The following SYNPO variants were observed in gnomAD, a reference collection of about 807,000 sequenced individuals.
SYNPO encodes the protein synaptopodin.
Under a neutral mutation model 49.5 loss-of-function variants are expected in SYNPO, and 19 were observed. That is an observed-to-expected ratio of 0.38 (90% CI 0.27 to 0.56). The LOEUF is 0.56. Among genes scored for constraint, SYNPO ranks in the 20% least tolerant of loss-of-function variants. The pLI is 0.68. For synonymous variants in SYNPO, 536 were observed against 548.0 expected, an observed-to-expected ratio of 0.98 and a Z score of 0.31; for missense variants, 1,131 against 1,248.3, an observed-to-expected ratio of 0.91 and a Z score of 1.42.
intron 1 of SYNPO, among the ~76,000 whole-genome samples, chr5:150,614,025 C>T (rs1022655940): frequency 1.3e-5 from 2 of 152,104 alleles, no homozygotes; most frequent in African/African-American, 4.8e-5. Context: ...CTTGGGGCCC[C>T]GAATGCCAGG....
At chr5:150,636,806 T>G (rs1365165627), upstream of SYNPO, among the ~76,000 whole-genome samples, 88 of 90,674 alleles carry the variant, frequency 9.7e-4, no homozygotes, top group Admixed American at 1.6e-3. Context: ...GGGTGGGGGG[T>G]GTTGGGAAGG....
rs745821356 is a variant in SYNPO at position 150,648,391 on chromosome 5, C to A, written c.116C>A (p.Ala39Asp). The change falls in exon 2 of 3, where the codon GCC becomes GAC. Residue 39 changes from alanine to aspartate, a missense_variant. Transcript: ENST00000307662. This position sits in a 1 kb window ranked among gnomAD's most constrained non-coding sequence, Gnocchi z 5.0. Reference protein sequence around the residue: ...YLKENAALLTANGLHLSQNRE... With the variant: ...YLKENAALLTDNGLHLSQNRE... ...AAGGAGAATGCAGCACTGCTGACAG[C>A]CAATGGGCTGCACCTGTCCCAAAAC... 1.2e-6 allele frequency: 2 copies of A among 1,614,186 alleles called. No homozygotes were observed. Among genetic ancestry groups the A allele is most frequent in the South Asian group, 2.2e-5 (2 of 91,086 alleles).
chr5:150,588,895 C>T, the SYNPO span, among the ~76,000 whole-genome samples: 4 of 152,202 alleles, frequency 2.6e-5, no homozygotes, highest in South Asian at 6.2e-4. Flanking sequence ...AATAAATTTT[C>T]CTTCCCCTCT....
the SYNPO span, among the ~76,000 whole-genome samples, chr5:150,593,131 G>T: frequency 1.3e-5 from 2 of 152,234 alleles, no homozygotes; most frequent in Non-Finnish European, 2.9e-5. Context: ...TACCTGTTAT[G>T]GCCTGGTCTC....
chr5:150,614,543 C>T (rs1336532746), intron 1 of SYNPO: 1 of 152,212 alleles, frequency 6.6e-6, no homozygotes, highest in Non-Finnish European at 1.5e-5. Flanking sequence ...ACCTGCGTTC[C>T]AGTGCAGCGC....
At position 150,650,706 on chromosome 5, in the gene SYNPO, G is replaced by A. The variant is rs2151426788; in HGVS notation, c.2028+403G>A. ...GTGGCCTAGAAGGGGATCCTAACAGGGACTTCTGGAGCAGACAGAGCCTGC... is the reference window on the plus strand; with the variant it reads ...GTGGCCTAGAAGGGGATCCTAACAGAGACTTCTGGAGCAGACAGAGCCTGC... On this transcript the variant is annotated intron_variant, in intron 2 of 2. Transcript: ENST00000307662. 2.9e-6 allele frequency: 4 copies of A among 1,369,212 alleles called. No individual in the cohort carries two copies. The East Asian group carries it at 8.1e-5, about 28-fold the overall frequency. 84.8% of individuals were successfully genotyped at this position (1,369,212 alleles called of 1,614,324 possible).
At chr5:150,604,973 C>T (rs1756651272) in intron 1 of SYNPO, among the ~76,000 whole-genome samples, 1 of 152,186 alleles carries the variant, frequency 6.6e-6, no homozygotes, top group South Asian at 2.1e-4. Context: ...AAGCAGATTA[C>T]TTAATCCCAC....
chr5:150,650,394 C>T, intron 2 of SYNPO, 91 bp downstream of exon 2: 1 of 1,571,628 alleles, frequency 6.4e-7, no homozygotes, highest in East Asian at 2.3e-5. Flanking sequence ...AGATGGAGAG[C>T]AGATGTGGCA....
chr5:150,639,854 C>T (rs889675034), upstream of SYNPO, among the ~76,000 whole-genome samples: 12 of 152,200 alleles, frequency 7.9e-5, no homozygotes, highest in East Asian at 1.9e-4. Context: ...CCCTCGAGGC[C>T]GTTGCAGTCT....
At position 150,650,267 on chromosome 5, in the gene SYNPO, C is replaced by T; in HGVS notation, c.1992C>T (p.Pro664=). Residue 664 remains proline (P), a synonymous_variant, in exon 2 of 3, where the codon CCC becomes CCT. Coordinates refer to ENST00000307662, the MANE Select transcript of SYNPO (RefSeq NM_007286.6). ...CCCGAGCCAAGCAGGCCCCCAGGCCCTCCTTCTCTACCCGGAACGCCGGGA... is the reference window on the plus strand; with the variant it reads ...CCCGAGCCAAGCAGGCCCCCAGGCCTTCCTTCTCTACCCGGAACGCCGGGA... ...WSPRAKQAPR[P]SFSTRNAGIE... is the part of the protein sequence containing the mutation. The T allele has an allele frequency of 1.2e-6, 2 of 1,614,136 alleles. No individual in the cohort carries two copies. Among genetic ancestry groups the T allele is most frequent in the Non-Finnish European group, 1.7e-6 (2 of 1,180,046 alleles).
chr5:150,590,875 T>C, the SYNPO span, among the ~76,000 whole-genome samples: 1 of 152,168 alleles, frequency 6.6e-6, no homozygotes, highest in African/African-American at 2.4e-5. Flanking sequence ...TGGTGCAGCA[T>C]AGACTTGCTG....
At chr5:150,637,643 G>A (rs1053503514), upstream of SYNPO, among the ~76,000 whole-genome samples, 4 of 152,184 alleles carry the variant, frequency 2.6e-5, no homozygotes, top group Non-Finnish European at 4.4e-5. Flanking sequence ...TGGTGATGAC[G>A]CCTCCTGGGG....
chr5:150,605,845 C>T (rs532242639), intron 1 of SYNPO, among the ~76,000 whole-genome samples: 9 of 151,858 alleles, frequency 5.9e-5, no homozygotes, highest in East Asian at 1.9e-4. Flanking sequence ...TAGGCACAAA[C>T]GCACGACAGT....
chr5:150,646,154 A>T (rs1483506239), intron 1 of SYNPO, among the ~76,000 whole-genome samples: 1 of 146,458 alleles, frequency 6.8e-6, no homozygotes. Flanking sequence ...ACACAGGGAG[A>T]CCCCTTCTCT....
At chr5:150,609,359 A>G (rs192542133) in intron 1 of SYNPO, among the ~76,000 whole-genome samples, 2 of 152,178 alleles carry the variant, frequency 1.3e-5, no homozygotes, top group East Asian at 1.9e-4. Flanking sequence ...CAATGGCTCT[A>G]TCTCGGCTCA....
upstream of SYNPO, among the ~76,000 whole-genome samples, chr5:150,596,785 C>G (rs1017539140): frequency 6.6e-6 from 1 of 152,168 alleles, no homozygotes; most frequent in Non-Finnish European, 1.5e-5. Context: ...AGGCTGCCAT[C>G]TCCTGCACGG....
upstream of SYNPO, among the ~76,000 whole-genome samples, chr5:150,639,874 A>G (rs1220142903): frequency 6.6e-6 from 1 of 152,234 alleles, no homozygotes. Flanking sequence ...TCTGGGGGAA[A>G]ATAGGGCCCA....
chr5:150,629,103 C>T lies in SYNPO; in HGVS notation c.400+10336C>T, dbSNP rs925621650. ...GCATGATTATGGCTCACTGCCGCCT[C>T]GACCTCCTGGGCTCAAGTGATCCTC... On this transcript the variant is annotated intron_variant, in intron 2 of 2. Coordinates refer to the SYNPO transcript ENST00000394243. Among the ~76,000 whole-genome samples, 17 of 152,238 alleles carry T rather than the reference C, an allele frequency of 1.1e-4. 1 individual carries two copies. Among genetic ancestry groups the T allele is most frequent in the Admixed American group, 2.0e-4 (3 of 15,294 alleles).
chr5:150,649,062 C>G lies in SYNPO; in HGVS notation c.787C>G (p.Arg263Gly), dbSNP rs1758234739. ...QMERSPMLER[R>G]HFGEKAPAPQ... The stretch of plus-strand genomic sequence containing the variant: ...GGAGAGGAGCCCCATGCTAGAGAGA[C>G]GACATTTTGGGGAGAAGGCCCCGGC... Residue 263 changes from arginine to glycine, a missense_variant, in exon 2 of 3, where the codon CGA becomes GGA. Physicochemically the swap from Arg to Gly is moderately radical, Grantham distance 125. Around this residue, in one of 4 missense-constraint regions of SYNPO, gnomAD observed 602 missense variants for 720.7 expected, o/e 0.84. Coordinates refer to ENST00000307662, the MANE Select transcript of SYNPO (RefSeq NM_007286.6). 1 of 1,613,980 alleles carries G rather than the reference C, an allele frequency of 6.2e-7. No homozygotes were observed. Among genetic ancestry groups the G allele is most frequent in the Non-Finnish European group, 8.5e-7 (1 of 1,179,882 alleles).
Sources: gnomAD v4.1 joint callset for allele counts (sites outside exome capture counted in the v4.1 genomes callset) on GRCh38, gnomAD v4.1.1 for gene constraint, gnomAD v4.1.1 regional missense constraint, Gnocchi (gnomAD v3.1) non-coding constraint, MANE v1.5 for transcripts, NCBI Gene and HGNC (gene_info 2026-07-23, HGNC 2026-07-21) for gene names.